The following ATP8A2 variants were observed in gnomAD, a reference collection of about 807,000 sequenced individuals.
The protein encoded by ATP8A2 is phospholipid-transporting ATPase IB.
Under a neutral mutation model 165.6 loss-of-function variants are expected in ATP8A2, and 100 were observed. The observed-to-expected ratio is 0.60, with a 90% CI of 0.51 to 0.71. ATP8A2 has a LOEUF of 0.71. Among genes scored for constraint, ATP8A2 ranks in the 30% least tolerant of loss-of-function variants. The pLI, the probability that ATP8A2 is intolerant of heterozygous loss-of-function variation, is 0.00. For synonymous variants in ATP8A2, 543 were observed against 548.8 expected, an observed-to-expected ratio of 0.99 and a Z score of 0.15; for missense variants, 1,227 against 1,479.5, an observed-to-expected ratio of 0.83 and a Z score of 2.80.
At chr13:25,715,582 C>T (rs983648437) in intron 25 of ATP8A2, among the ~76,000 whole-genome samples, 1 of 152,196 alleles carries the variant, frequency 6.6e-6, no homozygotes, top group African/African-American at 2.4e-5. Flanking sequence ...TGCTTTGCAA[C>T]TGGCTTTTCC....
intron 2 of ATP8A2, among the ~76,000 whole-genome samples, chr13:25,504,856 C>T (rs546586655): frequency 6.6e-6 from 1 of 151,914 alleles, no homozygotes; most frequent in Admixed American, 6.6e-5. Context: ...TAAGTGCATG[C>T]CCCTAAACCA....
chr13:25,873,191 T>G (rs998239138), intron 33 of ATP8A2, among the ~76,000 whole-genome samples: 3 of 152,194 alleles, frequency 2.0e-5, no homozygotes, highest in Admixed American at 2.0e-4. Context: ...TAGTCACTCA[T>G]CATTGAAAGG....
At chr13:25,669,019 G>A (rs2042211343) in intron 24 of ATP8A2, among the ~76,000 whole-genome samples, 1 of 152,080 alleles carries the variant, frequency 6.6e-6, no homozygotes, top group South Asian at 2.1e-4. Flanking sequence ...TGTCTAGTAA[G>A]CCCAGTGTTT....
chr13:25,421,984 G>A (rs1040025260), intron 1 of ATP8A2, among the ~76,000 whole-genome samples: 3 of 152,068 alleles, frequency 2.0e-5, no homozygotes, highest in South Asian at 2.1e-4. Flanking sequence ...AGATCTGCTC[G>A]TTACGTCCTC....
At chr13:25,575,483 C>T (rs1229965851) in intron 19 of ATP8A2, among the ~76,000 whole-genome samples, 3 of 152,316 alleles carry the variant, frequency 2.0e-5, no homozygotes, top group East Asian at 3.9e-4. Context: ...ATGGAATTGT[C>T]AGTACTAAAG....
At chr13:25,392,099 G>A (rs574121268) in intron 1 of ATP8A2, among the ~76,000 whole-genome samples, 106 of 152,270 alleles carry the variant, frequency 7.0e-4, no homozygotes, top group African/African-American at 2.2e-3. Context: ...GAAGCTCTCC[G>A]GGGCTGACCT....
chr13:25,866,193 C>G (rs1171627377), intron 33 of ATP8A2, among the ~76,000 whole-genome samples: 3 of 152,194 alleles, frequency 2.0e-5, no homozygotes, highest in Non-Finnish European at 4.4e-5. Context: ...TACTTGACCT[C>G]TGTTCAAAAG....
chr13:25,542,148 CA>C, intron 9 of ATP8A2, 102 bp downstream of exon 9: 2 of 1,260,036 alleles, frequency 1.6e-6, no homozygotes, highest in Non-Finnish European at 2.2e-6. Flanking sequence ...TATTTTAAAA[CA>C]GTGAGATTTC....
intron 24 of ATP8A2, among the ~76,000 whole-genome samples, chr13:25,628,681 T>A (rs905643941): frequency 6.6e-6 from 1 of 152,284 alleles, no homozygotes; most frequent in African/African-American, 2.4e-5. Flanking sequence ...TGCTCCAGGC[T>A]TCTCCTCCAG....
chr13:25,759,578 T>A (rs2044338093), intron 25 of ATP8A2, among the ~76,000 whole-genome samples: 1 of 152,166 alleles, frequency 6.6e-6, no homozygotes. Context: ...GGGGCCTTAA[T>A]AAAGCATTTC....
Position 25,718,256 on chromosome 13 carries a change from C to T in ATP8A2, c.2384+18911C>T, listed in dbSNP as rs549413144. ...GAGTAAATCTTTCAAAACAGATTTA[C>T]GTAAGTTCCTTGAATTGGAGGAAGC... On this transcript the variant is annotated intron_variant, in intron 25 of 36. Coordinates refer to ENST00000381655, the MANE Select transcript of ATP8A2 (RefSeq NM_016529.6). Among the ~76,000 whole-genome samples the T allele has an allele frequency of 1.1e-3, 164 of 152,196 alleles. 1 individual carries two copies. The highest frequency in any genetic ancestry group is 3.8e-3 in the African/African-American group (158 of 41,512).
intron 10 of ATP8A2, among the ~76,000 whole-genome samples, chr13:25,549,532 C>T (rs1422711395): frequency 6.6e-6 from 1 of 151,362 alleles, no homozygotes; most frequent in Non-Finnish European, 1.5e-5. Context: ...CTGTGTGAGC[C>T]TCTCCCTGTC....
intron 24 of ATP8A2, among the ~76,000 whole-genome samples, chr13:25,692,743 A>T (rs1305892665): frequency 6.6e-6 from 1 of 152,188 alleles, no homozygotes; most frequent in Non-Finnish European, 1.5e-5. Flanking sequence ...TGATTACCTA[A>T]TTTTAATTTA....
intron 25 of ATP8A2, among the ~76,000 whole-genome samples, chr13:25,745,096 A>T (rs956412463): frequency 2.6e-5 from 4 of 151,902 alleles, no homozygotes; most frequent in Non-Finnish European, 4.4e-5. Context: ...GCCTGCCACC[A>T]CGCCCAGCTA....
chr13:25,810,536 A>G (rs1267922320), intron 27 of ATP8A2, among the ~76,000 whole-genome samples: 1 of 151,440 alleles, frequency 6.6e-6, no homozygotes, highest in African/African-American at 2.5e-5. Flanking sequence ...GAAAAAAAAA[A>G]CAAAACACTA....
At chr13:25,404,052 T>C (rs2033721546) in intron 1 of ATP8A2, among the ~76,000 whole-genome samples, 1 of 152,166 alleles carries the variant, frequency 6.6e-6, no homozygotes, top group African/African-American at 2.4e-5. Context: ...ACTGGTGCAT[T>C]AGGTATAATC....
At chr13:25,616,190 G>A (rs77525335) in intron 24 of ATP8A2, among the ~76,000 whole-genome samples, 1 of 152,016 alleles carries the variant, frequency 6.6e-6, no homozygotes, top group Non-Finnish European at 1.5e-5. Context: ...TGAACTTTCT[G>A]AAACTGATAA....
intron 24 of ATP8A2, among the ~76,000 whole-genome samples, chr13:25,685,784 G>A (rs908314961): frequency 6.6e-6 from 1 of 152,166 alleles, no homozygotes; most frequent in African/African-American, 2.4e-5. Context: ...TTCAGATGGA[G>A]ACCAGAAGCT....
intron 1 of ATP8A2, among the ~76,000 whole-genome samples, chr13:25,382,230 A>G (rs187072280): frequency 3.9e-5 from 6 of 152,320 alleles, no homozygotes; most frequent in African/African-American, 1.2e-4. Context: ...AGCAATATGC[A>G]TTTAACATTC....
Sources: gnomAD v4.1 joint callset for allele counts (sites outside exome capture counted in the v4.1 genomes callset) on GRCh38, gnomAD v4.1.1 for gene constraint, MANE v1.5 for transcripts, NCBI Gene and HGNC (gene_info 2026-07-23, HGNC 2026-07-21) for gene names.